PINX1: variants seen among roughly 807,000 people sequenced by gnomAD.
PINX1 encodes the protein PIN2/TERF1-interacting telomerase inhibitor 1.
A neutral mutation model predicts 25.4 loss-of-function variants in PINX1; 34 were observed. That is an observed-to-expected ratio of 1.34 (90% CI 1.02 to 1.78). PINX1 has a LOEUF of 1.78. PINX1 is among the 40% of genes most tolerant of loss of function. PINX1 has a pLI of 0.00. For synonymous variants in PINX1, 197 were observed against 147.7 expected, an observed-to-expected ratio of 1.33 and a Z score of -2.42; for missense variants, 592 against 404.9, an observed-to-expected ratio of 1.46 and a Z score of -3.97.
intron 6 of PINX1, among the ~76,000 whole-genome samples, chr8:10,815,454 C>A (rs998713690): frequency 1.3e-5 from 2 of 152,176 alleles, no homozygotes; most frequent in African/African-American, 4.8e-5. Context: ...ACACAAAGTT[C>A]ATTCCTACTA....
intron 6 of PINX1, among the ~76,000 whole-genome samples, chr8:10,800,971 C>T (rs369444769): frequency 6.6e-6 from 1 of 152,138 alleles, no homozygotes; most frequent in Non-Finnish European, 1.5e-5. Context: ...TGTGAGATGG[C>T]GGCCCCTGGG....
chr8:10,838,153 T>C (rs567393243), intron 1 of PINX1, among the ~76,000 whole-genome samples: 2 of 152,358 alleles, frequency 1.3e-5, no homozygotes, highest in South Asian at 4.1e-4. Flanking sequence ...GTTCTAGTTC[T>C]GAAGGCTGCC....
chr8:10,833,997 G>C (rs1331194234), intron 2 of PINX1, among the ~76,000 whole-genome samples: 1 of 152,106 alleles, frequency 6.6e-6, no homozygotes, highest in Non-Finnish European at 1.5e-5. Context: ...GAGCTCAGAG[G>C]ACAGAACTGG....
intron 6 of PINX1, among the ~76,000 whole-genome samples, chr8:10,781,284 C>T (rs1358045445): frequency 6.6e-6 from 1 of 152,158 alleles, no homozygotes; most frequent in East Asian, 1.9e-4. Context: ...CTTGACACTG[C>T]TTTTGGCAAT....
Position 10,777,794 on chromosome 8 carries a change from G to A in PINX1, c.472-11878C>T, listed in dbSNP as rs528853607. On this transcript the variant is annotated intron_variant, in intron 6 of 6. Coordinates refer to ENST00000314787, the MANE Select transcript of PINX1 (RefSeq NM_017884.6). Reference sequence around the variant, plus strand: ...ACTTTCATTGCTTCGCACTCTGCCCGTCACTGCCTTGTGCGACTGGCTCCT... The same window carrying A: ...ACTTTCATTGCTTCGCACTCTGCCCATCACTGCCTTGTGCGACTGGCTCCT... 5.9e-5 allele frequency among the ~76,000 whole-genome samples: 9 copies of A among 152,256 alleles called. No individual in the cohort carries two copies. The South Asian group carries it at 1.0e-3, about 18-fold the overall frequency.
rs749534667 is a variant in PINX1, at chr8:10,820,285, G to A, written c.395-16C>T. 4.5e-5 allele frequency: 71 copies of A among 1,567,130 alleles called. No individual in the cohort carries two copies. The highest frequency in any genetic ancestry group is 6.1e-5 in the Non-Finnish European group (69 of 1,138,652). On this transcript the variant is annotated splice_polypyrimidine_tract_variant and intron_variant, in intron 5 of 6. Transcript: ENST00000314787. ...AGATCCTTCCCTAGAAAAACAATGT[G>A]ATGCTTTTCAGTAAGACTGTTCTTC...
chr8:10,766,477 C>G (rs1488727093), intron 6 of PINX1, among the ~76,000 whole-genome samples: 4 of 152,210 alleles, frequency 2.6e-5, no homozygotes, highest in African/African-American at 2.4e-5. Context: ...CCTTTCTCCC[C>G]CAAAGGTGGA....
intron 1 of PINX1, among the ~76,000 whole-genome samples, chr8:10,836,633 T>C (rs1798414725): frequency 1.5e-5 from 2 of 130,636 alleles, no homozygotes; most frequent in Admixed American, 8.8e-5. Flanking sequence ...CCTGGGAAAA[T>C]GGCAGTTAGC....
At chr8:10,788,144 C>A (rs1801810814) in intron 6 of PINX1, among the ~76,000 whole-genome samples, 1 of 152,050 alleles carries the variant, frequency 6.6e-6, no homozygotes, top group Non-Finnish European at 1.5e-5. Flanking sequence ...GGTGGGAGTA[C>A]AGCTGGAATG....
chr8:10,837,273 G>C (rs1798432520), intron 1 of PINX1, among the ~76,000 whole-genome samples: 1 of 152,128 alleles, frequency 6.6e-6, no homozygotes, highest in Non-Finnish European at 1.5e-5. Flanking sequence ...TTCCCTGGTG[G>C]GCAACATTCC....
chr8:10,831,855 T>A (rs1456431120), intron 3 of PINX1, 112 bp from the exon 4 acceptor site: 1 of 663,322 alleles, frequency 1.5e-6, no homozygotes, highest in Non-Finnish European at 2.7e-6. Context: ...AAATTTTAAA[T>A]GTTCCATCAA....
chr8:10,819,229 C>A (rs1797792333), intron 6 of PINX1, among the ~76,000 whole-genome samples: 1 of 152,206 alleles, frequency 6.6e-6, no homozygotes, highest in African/African-American at 2.4e-5. Flanking sequence ...CTTCTAACCA[C>A]TGGTAATTCT....
At chr8:10,830,554 A>G (rs1484100811) in intron 4 of PINX1, among the ~76,000 whole-genome samples, 5 of 152,228 alleles carry the variant, frequency 3.3e-5, no homozygotes, top group Non-Finnish European at 7.3e-5. Flanking sequence ...TCTACCAAAT[A>G]TCTTTTGATT....
chr8:10,790,169 C>G (rs1801878718), intron 6 of PINX1, among the ~76,000 whole-genome samples: 1 of 152,166 alleles, frequency 6.6e-6, no homozygotes, highest in Non-Finnish European at 1.5e-5. Flanking sequence ...CAAGGTTCCT[C>G]CCCAACTACA....
chr8:10,832,711 G>A (rs143858758), intron 3 of PINX1, among the ~76,000 whole-genome samples, 181 bp downstream of exon 3: 5 of 152,278 alleles, frequency 3.3e-5, no homozygotes, highest in African/African-American at 7.2e-5. Context: ...TAAAAAGCGC[G>A]GTAGGCCACT....
intron 6 of PINX1, among the ~76,000 whole-genome samples, chr8:10,793,703 G>GA (rs796143804): frequency 6.4e-4 from 91 of 141,388 alleles, no homozygotes; most frequent in South Asian, 2.9e-3. Context: ...TCAATAGCCA[G>GA]AAAAAAAAAA....
chr8:10,838,598 A>T (rs1798476527), intron 1 of PINX1, among the ~76,000 whole-genome samples: 1 of 152,248 alleles, frequency 6.6e-6, no homozygotes. Flanking sequence ...GTGCATGCTG[A>T]ATTAAGCAAA....
chr8:10,823,210 T>A (rs1043519129), intron 5 of PINX1, among the ~76,000 whole-genome samples: 2 of 152,244 alleles, frequency 1.3e-5, no homozygotes, highest in African/African-American at 4.8e-5. Flanking sequence ...AATTCTGTAT[T>A]TCCCGACCAG....
At chr8:10,804,940 C>T (rs1221809882) in intron 6 of PINX1, among the ~76,000 whole-genome samples, 1 of 151,904 alleles carries the variant, frequency 6.6e-6, no homozygotes, top group Non-Finnish European at 1.5e-5. Context: ...TCAAGAAGGA[C>T]CCCCGAGAAG....
Sources: allele counts gnomAD v4.1 joint callset (sites outside exome capture counted in the v4.1 genomes callset), GRCh38; gene constraint gnomAD v4.1.1; transcripts MANE v1.5; gene names NCBI Gene and HGNC (gene_info 2026-07-23, HGNC 2026-07-21).